Variants in TTC17 observed in about 807,000 individuals in gnomAD.
The protein encoded by TTC17 is tetratricopeptide repeat protein 17.
A neutral mutation model predicts 143.8 loss-of-function variants in TTC17; 58 were observed. The observed-to-expected ratio is 0.40, with a 90% CI of 0.33 to 0.50. The LOEUF (loss-of-function observed/expected upper bound fraction) is 0.50. TTC17 is among the 20% of genes least tolerant of loss of function. TTC17 has a pLI of 0.49. For missense variants in TTC17, 1,273 were observed against 1,392.5 expected, an observed-to-expected ratio of 0.91 and a Z score of 1.37; for synonymous variants, 501 against 497.8, an observed-to-expected ratio of 1.01 and a Z score of -0.09.
At chr11:43,373,977 A>AC (rs1403933797) in intron 1 of TTC17, among the ~76,000 whole-genome samples, 26 of 152,078 alleles carry the variant, frequency 1.7e-4, no homozygotes, top group Non-Finnish European at 3.1e-4. Context: ...TAGCCACTTC[A>AC]CGTTTTTTTT....
intron 5 of TTC17, among the ~76,000 whole-genome samples, chr11:43,394,453 A>T (rs1267712091): frequency 6.6e-6 from 1 of 152,196 alleles, no homozygotes; most frequent in Admixed American, 6.5e-5. Flanking sequence ...GAGAGAGATG[A>T]AGGTGGTTTG....
chr11:43,490,444 C>G (rs1046369626), intron 22 of TTC17, 86 bp downstream of exon 22: 1 of 1,462,606 alleles, frequency 6.8e-7, no homozygotes, highest in Non-Finnish European at 9.1e-7. Context: ...ACCAGCCTCC[C>G]TCATGCTCAG....
chr11:43,453,296 G>T (rs750861815), intron 21 of TTC17, among the ~76,000 whole-genome samples: 6 of 151,774 alleles, frequency 4.0e-5, no homozygotes, highest in Non-Finnish European at 8.8e-5. Context: ...TGTTAAAAGG[G>T]TGCACTGTGT....
chr11:43,471,128 C>T (rs910928106), intron 21 of TTC17, among the ~76,000 whole-genome samples: 3 of 152,152 alleles, frequency 2.0e-5, no homozygotes, highest in Non-Finnish European at 2.9e-5. Flanking sequence ...ACATTCAGGA[C>T]GCGACTCAGG....
intron 21 of TTC17, among the ~76,000 whole-genome samples, chr11:43,486,624 G>C (rs1247094464): frequency 6.6e-6 from 1 of 152,138 alleles, no homozygotes; most frequent in Non-Finnish European, 1.5e-5. Flanking sequence ...GTAAGAACAC[G>C]TAAGTAAATA....
chr11:43,398,971 A>G (rs1857732573), intron 8 of TTC17, among the ~76,000 whole-genome samples: 1 of 152,220 alleles, frequency 6.6e-6, no homozygotes. Flanking sequence ...AGCTGGCTCT[A>G]TCTTTACACA....
At chr11:43,408,802 C>T (rs904237305) in intron 15 of TTC17, among the ~76,000 whole-genome samples, 8 of 151,788 alleles carry the variant, frequency 5.3e-5, no homozygotes, top group Non-Finnish European at 1.2e-4. Flanking sequence ...AGTGCAGTGG[C>T]GTGGTCACGG....
At chr11:43,483,202 T>C (rs1041926787) in intron 21 of TTC17, among the ~76,000 whole-genome samples, 1 of 151,970 alleles carries the variant, frequency 6.6e-6, no homozygotes, top group Non-Finnish European at 1.5e-5. Flanking sequence ...AAAAATCTTC[T>C]CACAAAGATT....
intron 16 of TTC17, among the ~76,000 whole-genome samples, chr11:43,422,774 T>C (rs1019006511): frequency 4.6e-5 from 7 of 152,140 alleles, no homozygotes; most frequent in African/African-American, 1.7e-4. Flanking sequence ...TAAAAGCTTG[T>C]GTGAAATCGG....
At chr11:43,426,524 T>G (rs1414897046) in intron 16 of TTC17, among the ~76,000 whole-genome samples, 1 of 152,186 alleles carries the variant, frequency 6.6e-6, no homozygotes, top group South Asian at 2.1e-4. Flanking sequence ...TTAGGAAACT[T>G]TATTACTGAG....
rs143774494 is a variant in TTC17, at chr11:43,449,907, G to A, written c.2787-175G>A. The A allele has an allele frequency of 1.2e-4, 85 of 693,936 alleles. No individual in the cohort carries two copies. In the African/African-American group the frequency reaches 1.3e-3, roughly 11 times the overall value. 43.0% of individuals were successfully genotyped at this position (693,936 alleles called of 1,614,324 possible). ...GGGTATTTATCACCACTTATATCTT[G>A]GAAGAAGAAATCCTAGAAGAAAACT... On this transcript the variant is annotated intron_variant, in intron 19 of 23. Coordinates refer to ENST00000039989, the MANE Select transcript of TTC17 (RefSeq NM_018259.6).
intron 21 of TTC17, among the ~76,000 whole-genome samples, chr11:43,472,488 G>A (rs951410822): frequency 1.3e-5 from 2 of 152,114 alleles, no homozygotes; most frequent in Non-Finnish European, 2.9e-5. Flanking sequence ...GATCACTAGG[G>A]ATATAGAAAG....
At chr11:43,362,669 G>A (rs1427110609) in intron 1 of TTC17, among the ~76,000 whole-genome samples, 1 of 152,140 alleles carries the variant, frequency 6.6e-6, no homozygotes, top group East Asian at 1.9e-4. Flanking sequence ...GAAGTGCATG[G>A]TTACTCCCAT....
intron 8 of TTC17, among the ~76,000 whole-genome samples, chr11:43,398,627 G>C (rs1274855321): frequency 6.6e-6 from 1 of 152,148 alleles, no homozygotes; most frequent in African/African-American, 2.4e-5. Context: ...TGTGTGTTAG[G>C]TTGTACAGTA....
chr11:43,374,545 A>G (rs1332291828), intron 1 of TTC17, among the ~76,000 whole-genome samples: 3 of 152,194 alleles, frequency 2.0e-5, no homozygotes, highest in African/African-American at 4.8e-5. Context: ...TCCAGAATCT[A>G]TAAGGAACTT....
intron 20 of TTC17, among the ~76,000 whole-genome samples, chr11:43,450,556 T>C (rs2134753355): frequency 6.6e-6 from 1 of 152,324 alleles, no homozygotes; most frequent in South Asian, 2.1e-4. Context: ...TTGACATTTT[T>C]AAGAAGGAAG....
chr11:43,437,392 C>T (rs1947316415), intron 16 of TTC17, among the ~76,000 whole-genome samples: 1 of 152,138 alleles, frequency 6.6e-6, no homozygotes, highest in South Asian at 2.1e-4. Context: ...CTTAATTTGG[C>T]TCTCTAAATC....
chr11:43,464,892 A>G (rs1947940900), intron 21 of TTC17, among the ~76,000 whole-genome samples: 1 of 152,238 alleles, frequency 6.6e-6, no homozygotes, highest in Admixed American at 6.5e-5. Context: ...ATGTGAGCCT[A>G]GTACCCTTCA....
Position 43,490,308 on chromosome 11 carries a change from G to A in TTC17, c.3100G>A (p.Ala1034Thr), listed in dbSNP as rs751237187. ...YWRVKGQGKK[A>T]IDCLRQALHY... Reference sequence around the variant, plus strand: ...GAGGGTGAAAGGCCAAGGAAAGAAGGCAATCGACTGCCTCCGCCAGGCTCT... The same window carrying A: ...GAGGGTGAAAGGCCAAGGAAAGAAGACAATCGACTGCCTCCGCCAGGCTCT... Residue 1034 changes from alanine (A) to threonine (T), a missense_variant, in exon 22 of 24, where the codon GCA becomes ACA. Transcript: ENST00000039989. The A allele has an allele frequency of 5.0e-6, 8 of 1,612,770 alleles. No individual in the cohort carries two copies. The highest frequency in any genetic ancestry group is 4.2e-6 in the Non-Finnish European group (5 of 1,179,276).
Sources: allele counts gnomAD v4.1 joint callset (sites outside exome capture counted in the v4.1 genomes callset), GRCh38; gene constraint gnomAD v4.1.1; transcripts MANE v1.5; gene names NCBI Gene and HGNC (gene_info 2026-07-23, HGNC 2026-07-21).